Variants in ATAD3A observed in about 807,000 individuals in gnomAD.
The protein encoded by ATAD3A is ATPase family AAA domain-containing protein 3A.
Under a neutral mutation model 73.8 loss-of-function variants are expected in ATAD3A, and 46 were observed. The observed-to-expected ratio is 0.62, with a 90% confidence interval of 0.49 to 0.80. The LOEUF is 0.80. Ranked by LOEUF, ATAD3A falls within the 30% of genes least tolerant of loss-of-function variation. The pLI, the probability that ATAD3A is intolerant of heterozygous loss-of-function variation, is 0.00. For missense variants in ATAD3A, 705 were observed against 838.0 expected (o/e 0.84, Z 1.96); for synonymous variants, 319 against 350.0 (o/e 0.91, Z 0.99).
At chr1:1,530,441 G>A (rs1174316810) in intron 15 of ATAD3A, among the ~76,000 whole-genome samples, 1 of 152,176 alleles carries the variant, frequency 6.6e-6, no homozygotes, top group Non-Finnish European at 1.5e-5. Context: ...GGCTGAGGTG[G>A]GAGGATCACT....
At chr1:1,529,445 T>A in intron 15 of ATAD3A, 114 bp downstream of exon 15, 5 of 1,478,198 alleles carry the variant, frequency 3.4e-6, no homozygotes, top group Non-Finnish European at 4.5e-6. Context: ...TGTTGAGGGG[T>A]TTTCAGTGCA....
At chr1:1,533,030 G>A (rs553910805) in intron 15 of ATAD3A, among the ~76,000 whole-genome samples, 214 of 152,306 alleles carry the variant, frequency 1.4e-3, no homozygotes, top group African/African-American at 4.8e-3. Context: ...CAGAGGGGAC[G>A]GGCACCACGT....
chr1:1,526,178 G>T (rs1231939022), intron 12 of ATAD3A, among the ~76,000 whole-genome samples: 1 of 151,826 alleles, frequency 6.6e-6, no homozygotes, highest in Non-Finnish European at 1.5e-5. Flanking sequence ...GCGCCACCAC[G>T]CCTGGCTAAT....
At chr1:1,525,563 C>T (rs376147133) in intron 12 of ATAD3A, among the ~76,000 whole-genome samples, 3 of 152,014 alleles carry the variant, frequency 2.0e-5, no homozygotes, top group East Asian at 1.9e-4. Flanking sequence ...TACAGGCTCC[C>T]GCCACCACAC....
At chr1:1,532,655 T>C (rs1369580306) in intron 15 of ATAD3A, among the ~76,000 whole-genome samples, 1 of 152,206 alleles carries the variant, frequency 6.6e-6, no homozygotes, top group Non-Finnish European at 1.5e-5. Context: ...AGCATCTGCA[T>C]AGCCCCTTTC....
Position 1,525,304 on chromosome 1 carries a change from A to G in ATAD3A, c.1266+13A>G, listed in dbSNP as rs1641767388. ...GAAGCGAGCCACCGTGAGTGTCACT[A>G]AGCCTCTGGCCACAATGGGGTGGTG... On this transcript the variant is annotated intron_variant, in intron 12 of 15. Transcript: ENST00000378756. The G allele has an allele frequency of 6.2e-7, 1 of 1,613,530 alleles. No homozygotes were observed. Among genetic ancestry groups the G allele is most frequent in the Non-Finnish European group, 8.5e-7 (1 of 1,179,938 alleles).
At chr1:1,518,418 G>GAC (rs375121012) in intron 4 of ATAD3A, among the ~76,000 whole-genome samples, 1 of 120,992 alleles carries the variant, frequency 8.3e-6, no homozygotes, top group South Asian at 2.6e-4. Context: ...CCCATAGACG[G>GAC]ACACACACAC....
chr1:1,515,159 CCT>C (rs1349270414), intron 1 of ATAD3A, among the ~76,000 whole-genome samples: 2 of 152,192 alleles, frequency 1.3e-5, no homozygotes, highest in Admixed American at 6.5e-5. Flanking sequence ...TTCACTGCAG[CCT>C]CTGTCTCCGG....
chr1:1,527,592 C>G, intron 13 of ATAD3A, 103 bp from the exon 14 acceptor site: 12 of 1,421,160 alleles, frequency 8.4e-6, no homozygotes, highest in Admixed American at 2.4e-5. Context: ...CTCGTGTTTC[C>G]CGCCACTTTA....
At position 1,527,554 on chromosome 1, in the gene ATAD3A, G is replaced by A. The variant is rs147826506; in HGVS notation, c.1338-141G>A. ...GGGGACAGCTGGGTGCAGTGGGGCA[G>A]GTGGCCGACCAGGGCTGTGCCCGTG... is the stretch of plus-strand genomic sequence containing the variant. On this transcript the variant is annotated intron_variant, in intron 13 of 15. Transcript: ENST00000378756. 318 of 1,237,556 alleles carry A rather than the reference G, an allele frequency of 2.6e-4. 1 individual carries two copies. In the African/African-American group the frequency reaches 4.5e-3, roughly 17 times the overall value. The allele number at this position is 1,237,556 out of a possible 1,614,324, so 76.7% of individuals were successfully genotyped here. A position where few individuals can be genotyped will look rare whatever the true frequency, so the allele number is the denominator to read the frequency against.
intron 15 of ATAD3A, among the ~76,000 whole-genome samples, chr1:1,532,747 C>G (rs1178413574): frequency 1.3e-5 from 2 of 152,196 alleles, no homozygotes; most frequent in African/African-American, 4.8e-5. Flanking sequence ...CTTGGGTGCG[C>G]TCAAGACCAA....
intron 7 of ATAD3A, among the ~76,000 whole-genome samples, chr1:1,522,310 G>C (rs1317336675): frequency 6.6e-6 from 1 of 152,144 alleles, no homozygotes; most frequent in Non-Finnish European, 1.5e-5. Flanking sequence ...CAAAGTGCTG[G>C]GATTACAGAC....
At chr1:1,516,296 G>C (rs1319982201) in intron 2 of ATAD3A, among the ~76,000 whole-genome samples, 1 of 152,022 alleles carries the variant, frequency 6.6e-6, no homozygotes, top group Non-Finnish European at 1.5e-5. Context: ...GGGAGGGCTG[G>C]TGTTGGTGAG....
chr1:1,532,732 C>T (rs1222365812), intron 15 of ATAD3A, among the ~76,000 whole-genome samples: 1 of 152,188 alleles, frequency 6.6e-6, no homozygotes, highest in East Asian at 1.9e-4. Context: ...ACCTGTTTGC[C>T]CTCTCTTGGG....
chr1:1,513,689 T>A (rs1570315663), intron 1 of ATAD3A, among the ~76,000 whole-genome samples: 1 of 152,088 alleles, frequency 6.6e-6, no homozygotes, highest in South Asian at 2.1e-4. Flanking sequence ...TTCTCCAGAG[T>A]TGACTGCCCC....
In ATAD3A at chr1:1,534,066, A is replaced by T. The variant is rs745813192; in HGVS notation, c.1755A>T (p.Pro585=). ...EGPGRGDEPS[P]S ...CTGGGCGTGGGGACGAGCCCTCCCC[A>T]TCCTGAGTCCACAGGGAGATCCACA... is the stretch of plus-strand genomic sequence containing the variant. The change falls in exon 16 of 16, where the codon CCA becomes CCT. Residue 585 remains proline, a synonymous_variant. Coordinates refer to ENST00000378756, the MANE Select transcript of ATAD3A (RefSeq NM_001170535.3). 7 of 1,613,378 alleles carry T rather than the reference A, an allele frequency of 4.3e-6. No individual in the cohort carries two copies. In the Admixed American group the frequency reaches 1.2e-4, roughly 27 times the overall value.
At chr1:1,527,956 T>C in intron 14 of ATAD3A, 94 bp downstream of exon 14, 2 of 1,189,328 alleles carry the variant, frequency 1.7e-6, no homozygotes, top group South Asian at 1.8e-5. Context: ...CCTTTAACAT[T>C]CCTTTTTTTT....
chr1:1,518,548 A>G (rs1427047704), intron 4 of ATAD3A, among the ~76,000 whole-genome samples: 2 of 105,512 alleles, frequency 1.9e-5, no homozygotes, highest in Non-Finnish European at 3.5e-5. Flanking sequence ...ACATACGGGC[A>G]CACACGCCTT....
chr1:1,517,608 A>C, intron 3 of ATAD3A, 108 bp from the exon 4 acceptor site: 1 of 781,020 alleles, frequency 1.3e-6, no homozygotes, highest in Non-Finnish European at 2.0e-6. Flanking sequence ...GCGCCTCCCC[A>C]CGTTTGTGTG....
Sources: allele counts gnomAD v4.1 joint callset (sites outside exome capture counted in the v4.1 genomes callset), GRCh38; gene constraint gnomAD v4.1.1; transcripts MANE v1.5; gene names NCBI Gene and HGNC (gene_info 2026-07-23, HGNC 2026-07-21).